The following CEBPZ variants were observed in gnomAD, a reference collection of about 807,000 sequenced individuals.
CEBPZ encodes the protein CCAAT/enhancer-binding protein zeta.
A neutral mutation model predicts 104.5 loss-of-function variants in CEBPZ; 78 were observed. That is an observed-to-expected ratio of 0.75 (90% CI 0.62 to 0.90). The LOEUF (loss-of-function observed/expected upper bound fraction) is 0.90. CEBPZ is among the 40% of genes least tolerant of loss of function. The probability of loss-of-function intolerance (pLI) is 0.00; values close to 1 mark genes in which losing one functional copy is unlikely to be tolerated. For synonymous variants in CEBPZ, 470 were observed against 427.0 expected (o/e 1.10, Z -1.24); for missense variants, 1,439 against 1,233.5 (o/e 1.17, Z -2.50).
chr2:37,216,553 A>C (rs1389294882), intron 6 of CEBPZ, 135 bp from the exon 7 acceptor site: 8 of 651,290 alleles, frequency 1.2e-5, no homozygotes, highest in African/African-American at 5.5e-5. Context: ...CTCTTCAAAT[A>C]TCTCTCTCAT....
At chr2:37,231,179 A>C (rs1380092558) in intron 1 of CEBPZ, 1 of 696,002 alleles carries the variant, frequency 1.4e-6, no homozygotes, top group Non-Finnish European at 2.7e-6. Context: ...AAATCAGAAG[A>C]TCGCCTACAT....
At position 37,211,055 on chromosome 2, in the gene CEBPZ, G is replaced by A; in HGVS notation, c.2828C>T (p.Thr943Ile). ...TGTACCTTTTCTCTTGCTTTTCTTA[G>A]TACTGACTTTGGAGTGGACTTCAAG... ...PELEVHSKVSTKKSKRKGTDD... is the reference protein window; with the variant it reads ...PELEVHSKVSIKKSKRKGTDD... Residue 943 changes from threonine (T) to isoleucine (I), a missense_variant, in exon 13 of 16, where the codon ACT (threonine) becomes ATT (isoleucine). Physicochemically the swap from Thr to Ile is moderately conservative, Grantham distance 89 (BLOSUM62 -1). Coordinates refer to ENST00000234170, the MANE Select transcript of CEBPZ (RefSeq NM_005760.3). The A allele has an allele frequency of 2.5e-6, 4 of 1,611,290 alleles. No individual in the cohort carries two copies. Among genetic ancestry groups the A allele is most frequent in the South Asian group, 1.1e-5 (1 of 90,530 alleles).
chr2:37,227,777 A>G lies in CEBPZ; in HGVS notation c.1416T>C (p.Cys472=), dbSNP rs150868619. The G allele has an allele frequency of 2.5e-6, 4 of 1,613,730 alleles. No homozygotes were observed. Among genetic ancestry groups the G allele is most frequent in the Non-Finnish European group, 8.5e-7 (1 of 1,179,964 alleles). The change falls in exon 2 of 16, where the codon TGT becomes TGC. Residue 472 remains cysteine, a synonymous_variant. Coordinates refer to ENST00000234170, the MANE Select transcript of CEBPZ (RefSeq NM_005760.3). The stretch of plus-strand genomic sequence containing the variant: ...TTGATTCAACATCTTTTTTTTTGAC[A>G]CAAGTCCGAAAAAAGCAAAAGTAAA... ...ITVYFCFFRT[C]VKKKDVESKM...
In CEBPZ at chr2:37,227,603, A is replaced by G; in HGVS notation, c.1590T>C (p.Leu530=). The G allele has an allele frequency of 1.9e-6, 3 of 1,614,008 alleles. No homozygotes were observed. Among genetic ancestry groups the G allele is most frequent in the Non-Finnish European group, 2.5e-6 (3 of 1,179,982 alleles). The change falls in exon 2 of 16, where the codon CTT becomes CTC. Residue 530 remains leucine, a synonymous_variant. Coordinates refer to ENST00000234170, the MANE Select transcript of CEBPZ (RefSeq NM_005760.3). ...FNTSVQALML[L]FQVMNSQQTI... The stretch of plus-strand genomic sequence containing the variant: ...TCTGCTGAGAATTCATTACTTGGAA[A>G]AGCAACATTAAAGCCTGGACACTGG...
intron 13 of CEBPZ, chr2:37,209,393 A>G (rs570686214): frequency 5.3e-5 from 8 of 152,356 alleles, no homozygotes; most frequent in African/African-American, 1.7e-4. Context: ...ACTTCAAACT[A>G]TACTACTAGG....
chr2:37,201,903 C>A lies in CEBPZ; in HGVS notation c.3026G>T (p.Ser1009Ile), dbSNP rs1176833744. ...MNAMANKDNA[S>I]LKQLRWEAER... is the part of the protein sequence containing the mutation. ...AGCCTCCCATCTAAGCTGTTTGAGA[C>A]CTTTGAGAGAAGAAGAAAAGATGAG... The change falls in exon 16 of 16, where the codon AGT (serine) becomes ATT (isoleucine). Residue 1009 changes from serine to isoleucine, a missense_variant and splice_region_variant. Coordinates refer to ENST00000234170, the MANE Select transcript of CEBPZ (RefSeq NM_005760.3). 1 of 1,611,602 alleles carries A rather than the reference C, an allele frequency of 6.2e-7. No homozygotes were observed. Among genetic ancestry groups the A allele is most frequent in the East Asian group, 2.2e-5 (1 of 44,820 alleles).
chr2:37,203,090 A>G, intron 13 of CEBPZ, 82 bp from the exon 14 acceptor site: 1 of 938,772 alleles, frequency 1.1e-6, no homozygotes, highest in East Asian at 2.8e-5. Context: ...ATTTTATTTT[A>G]AAAATTATAC....
At position 37,218,803 on chromosome 2, in the gene CEBPZ, T is replaced by C. The variant is rs1026684236; in HGVS notation, c.2154+1582A>G. Among the ~76,000 whole-genome samples, 4 of 151,932 alleles carry C rather than the reference T, an allele frequency of 2.6e-5. No homozygotes were observed. In the East Asian group the frequency reaches 7.7e-4, roughly 29 times the overall value. ...CCTGTAATCCCAGCTACTCAGGAGG[T>C]AGAGGTTGCAGTGAGCCGAGATCGC... On this transcript the variant is annotated intron_variant, in intron 5 of 15. Coordinates refer to ENST00000234170, the MANE Select transcript of CEBPZ (RefSeq NM_005760.3).
intron 6 of CEBPZ, 105 bp from the exon 7 acceptor site, chr2:37,216,523 T>C (rs747777160): frequency 1.3e-5 from 10 of 786,198 alleles, no homozygotes; most frequent in South Asian, 5.2e-5. Context: ...GTATTGAAGA[T>C]ACAAATATGC....
chr2:37,219,585 G>C (rs1021720886), intron 5 of CEBPZ, among the ~76,000 whole-genome samples: 1 of 152,158 alleles, frequency 6.6e-6, no homozygotes, highest in South Asian at 2.1e-4. Flanking sequence ...TATGGAAAGA[G>C]CTGTGACCTG....
At chr2:37,223,135 A>T in intron 3 of CEBPZ, 35 bp downstream of exon 3, 1 of 1,522,006 alleles carries the variant, frequency 6.6e-7, no homozygotes, top group Non-Finnish European at 9.1e-7. Flanking sequence ...ATATTTCAGC[A>T]CCCACTCAAT....
chr2:37,229,901 C>G (rs565868840), intron 1 of CEBPZ, among the ~76,000 whole-genome samples: 134 of 152,100 alleles, frequency 8.8e-4, no homozygotes, highest in South Asian at 1.5e-3. Context: ...CTTATGTTGC[C>G]CAGGCTGGTC....
chr2:37,211,783 A>C (rs1409919275), intron 12 of CEBPZ, 60 bp downstream of exon 12: 2 of 1,300,756 alleles, frequency 1.5e-6, no homozygotes. Flanking sequence ...CAGAAAAACA[A>C]ACTTAAGGCT....
At chr2:37,205,138 A>G (rs1677489155) in intron 13 of CEBPZ, among the ~76,000 whole-genome samples, 2 of 152,258 alleles carry the variant, frequency 1.3e-5, no homozygotes, top group Admixed American at 6.5e-5. Context: ...GGACTAAGAA[A>G]TTGACAGCAG....
At chr2:37,207,269 C>A (rs1677570996) in intron 13 of CEBPZ, among the ~76,000 whole-genome samples, 1 of 152,164 alleles carries the variant, frequency 6.6e-6, no homozygotes, top group Non-Finnish European at 1.5e-5. Context: ...AACAAAGAAA[C>A]AATGGACTTA....
chr2:37,206,606 T>A (rs1259103780), intron 13 of CEBPZ, among the ~76,000 whole-genome samples: 2 of 152,198 alleles, frequency 1.3e-5, no homozygotes, highest in Non-Finnish European at 2.9e-5. Flanking sequence ...GATGCCCGCC[T>A]GGGCCTCCCG....
chr2:37,207,118 T>C (rs1558467986), intron 13 of CEBPZ, among the ~76,000 whole-genome samples: 1 of 152,108 alleles, frequency 6.6e-6, no homozygotes, highest in African/African-American at 2.4e-5. Flanking sequence ...CCAAAATATA[T>C]ATGCACCTAC....
At position 37,216,215 on chromosome 2, in the gene CEBPZ, T is replaced by C. The variant is rs751433212; in HGVS notation, c.2312-7A>G. On this transcript the variant is annotated splice_region_variant and splice_polypyrimidine_tract_variant and intron_variant, in intron 7 of 15. Transcript: ENST00000234170. ...ACAACACTATCTGTGTTTTCTGAAA[T>C]GTAAAATTATGACAGTATAATGCAA... 10 of 1,611,602 alleles carry C rather than the reference T, an allele frequency of 6.2e-6. No individual in the cohort carries two copies. The East Asian group carries it at 1.6e-4, about 25-fold the overall frequency.
At position 37,213,844 on chromosome 2, in the gene CEBPZ, G is replaced by A. The variant is rs1388872963; in HGVS notation, c.2545+20C>T. The A allele has an allele frequency of 1.3e-6, 2 of 1,516,446 alleles. No homozygotes were observed. The highest frequency in any genetic ancestry group is 1.8e-6 in the Non-Finnish European group (2 of 1,097,864). 93.9% of individuals were successfully genotyped at this position (1,516,446 alleles called of 1,614,324 possible). On this transcript the variant is annotated intron_variant, in intron 10 of 15. Transcript: ENST00000234170. ...ACATAGTAGTAGATTATTTTACAAA[G>A]AGTCAACAAAACAAATTACCAATCA...
Sources: gnomAD v4.1 joint callset for allele counts (sites outside exome capture counted in the v4.1 genomes callset) on GRCh38, gnomAD v4.1.1 for gene constraint, MANE v1.5 for transcripts, NCBI Gene and HGNC (gene_info 2026-07-23, HGNC 2026-07-21) for gene names.